VPS13B: variants seen among roughly 807,000 people sequenced by gnomAD.
VPS13B encodes the protein intermembrane lipid transfer protein VPS13B.
Under a neutral mutation model 426.4 loss-of-function variants are expected in VPS13B, and 285 were observed. The ratio of observed to expected loss-of-function variants is 0.67; its 90% confidence interval spans 0.61 to 0.74. The LOEUF is 0.74. Among genes scored for constraint, VPS13B ranks in the 30% least tolerant of loss-of-function variants. The pLI, the probability that VPS13B is intolerant of heterozygous loss-of-function variation, is 0.00. For synonymous variants in VPS13B, 1,676 were observed against 1,676.4 expected, an observed-to-expected ratio of 1.00 and a Z score of 0.01; for missense variants, 4,537 against 4,782.6, an observed-to-expected ratio of 0.95 and a Z score of 1.51.
chr8:99,691,914 T>C (rs1202225659), intron 35 of VPS13B, among the ~76,000 whole-genome samples: 17 of 150,026 alleles, frequency 1.1e-4, no homozygotes, highest in Admixed American at 8.7e-4. Flanking sequence ...TAAAACAGAC[T>C]TTAAACCAAC....
chr8:99,808,496 C>T (rs1813522441), intron 43 of VPS13B, among the ~76,000 whole-genome samples: 1 of 130,994 alleles, frequency 7.6e-6, no homozygotes, highest in African/African-American at 3.0e-5. Flanking sequence ...AGCCTGGCAA[C>T]AGAGCGAGAC....
chr8:99,741,857 C>A (rs1028909765), intron 39 of VPS13B, among the ~76,000 whole-genome samples: 1 of 152,010 alleles, frequency 6.6e-6, no homozygotes, highest in Admixed American at 6.5e-5. Context: ...CACTAAATGC[C>A]CACAAGAGAA....
intron 19 of VPS13B, among the ~76,000 whole-genome samples, chr8:99,364,223 A>G (rs1435039304): frequency 6.6e-6 from 1 of 152,184 alleles, no homozygotes; most frequent in African/African-American, 2.4e-5. Flanking sequence ...AAATGATCAT[A>G]TGGTTTTCTC....
chr8:99,818,968 G>A, intron 47 of VPS13B, 80 bp downstream of exon 47: 1 of 1,027,196 alleles, frequency 9.7e-7, no homozygotes, highest in African/African-American at 1.6e-5. Context: ...CTGGGGGGCG[G>A]CGGGGGAGGG....
At chr8:99,787,068 G>C (rs1460194026) in intron 43 of VPS13B, among the ~76,000 whole-genome samples, 1 of 152,154 alleles carries the variant, frequency 6.6e-6, no homozygotes, top group Non-Finnish European at 1.5e-5. Context: ...AGGAACATTT[G>C]TGTCTGCATG....
chr8:99,552,505 T>C (rs1423297871), intron 30 of VPS13B, among the ~76,000 whole-genome samples: 8 of 152,000 alleles, frequency 5.3e-5, no homozygotes, highest in Non-Finnish European at 8.8e-5. Context: ...TTCCAAGTCC[T>C]GGCTCATGAC....
chr8:99,660,915 C>G (rs1830195414), intron 34 of VPS13B, among the ~76,000 whole-genome samples: 1 of 152,006 alleles, frequency 6.6e-6, no homozygotes, highest in South Asian at 2.1e-4. Context: ...ACTCTTAAAA[C>G]AGATCAAATA....
chr8:99,022,537 G>T (rs925352861), intron 2 of VPS13B, among the ~76,000 whole-genome samples: 1 of 151,972 alleles, frequency 6.6e-6, no homozygotes, highest in East Asian at 1.9e-4. Flanking sequence ...GTCTGTTTTT[G>T]TAAGTGTTTC....
intron 40 of VPS13B, among the ~76,000 whole-genome samples, chr8:99,774,035 T>C (rs1015548702): frequency 6.6e-6 from 1 of 152,172 alleles, no homozygotes; most frequent in African/African-American, 2.4e-5. Context: ...TGTACTTAGA[T>C]CATTTTAATC....
chr8:99,729,809 A>G (rs531508716), intron 39 of VPS13B, among the ~76,000 whole-genome samples: 1 of 152,278 alleles, frequency 6.6e-6, no homozygotes, highest in South Asian at 2.1e-4. Flanking sequence ...TCTTTTTCAT[A>G]ATTACATGGA....
intron 35 of VPS13B, among the ~76,000 whole-genome samples, chr8:99,665,835 G>C (rs1588604291): frequency 6.6e-6 from 1 of 152,128 alleles, no homozygotes; most frequent in African/African-American, 2.4e-5. Context: ...CTTTAAAGTA[G>C]TTTTTTCCAA....
chr8:99,850,908 A>G (rs1816256478), intron 55 of VPS13B, among the ~76,000 whole-genome samples: 1 of 152,230 alleles, frequency 6.6e-6, no homozygotes, highest in Non-Finnish European at 1.5e-5. Flanking sequence ...CCTGGGCGAC[A>G]GAGCGAGACT....
chr8:99,422,933 CAT>C (rs1451967195), intron 21 of VPS13B, among the ~76,000 whole-genome samples: 3 of 152,154 alleles, frequency 2.0e-5, no homozygotes, highest in Non-Finnish European at 4.4e-5. Flanking sequence ...TGATACCACA[CAT>C]ATGTTTGAGT....
At chr8:99,250,684 TTTTTTTTTTTTTTTTTTTG>T in intron 17 of VPS13B, among the ~76,000 whole-genome samples, 1 of 121,672 alleles carries the variant, frequency 8.2e-6, no homozygotes. Flanking sequence ...TTTTTTTTTT[TTTTTTTTTTTTTTTTTTTG>T]AGACAAGGTC....
chr8:99,644,787 C>T (rs1282832606), intron 34 of VPS13B, among the ~76,000 whole-genome samples: 4 of 151,922 alleles, frequency 2.6e-5, no homozygotes, highest in African/African-American at 4.8e-5. Context: ...AAATTTTTTT[C>T]AGAAGACCCA....
At chr8:99,668,874 C>T (rs1247969276) in intron 35 of VPS13B, among the ~76,000 whole-genome samples, 3 of 152,258 alleles carry the variant, frequency 2.0e-5, no homozygotes, top group South Asian at 2.1e-4. Flanking sequence ...CTAAACCCTG[C>T]GGAACAGTCC....
chr8:99,850,616 T>G (rs1161090309), intron 55 of VPS13B, among the ~76,000 whole-genome samples: 1 of 152,192 alleles, frequency 6.6e-6, no homozygotes, highest in Non-Finnish European at 1.5e-5. Context: ...TACGTTTGTT[T>G]AAATCTTTCT....
intron 17 of VPS13B, among the ~76,000 whole-genome samples, chr8:99,218,428 A>G (rs990029165): frequency 2.6e-5 from 4 of 152,192 alleles, no homozygotes; most frequent in Non-Finnish European, 5.9e-5. Context: ...GTTGACATTT[A>G]TTTACAGTCT....
chr8:99,523,206 G>T, intron 30 of VPS13B, among the ~76,000 whole-genome samples: 1 of 152,158 alleles, frequency 6.6e-6, no homozygotes, highest in Non-Finnish European at 1.5e-5. Context: ...ATAGAACAGA[G>T]CACCAAGTAG....
Sources: gnomAD v4.1 joint callset for allele counts (sites outside exome capture counted in the v4.1 genomes callset) on GRCh38, gnomAD v4.1.1 for gene constraint, MANE v1.5 for transcripts, NCBI Gene and HGNC (gene_info 2026-07-23, HGNC 2026-07-21) for gene names.